Variants in GAK observed in about 807,000 individuals in gnomAD.
GAK encodes cyclin G associated kinase, also known as cyclin-G-associated kinase.
A neutral mutation model predicts 143.9 loss-of-function variants in GAK; 79 were observed. The observed-to-expected ratio is 0.55, with a 90% CI of 0.46 to 0.66. The LOEUF is 0.66. GAK is among the 30% of genes least tolerant of loss of function. The pLI is 0.00. For synonymous variants in GAK, 881 were observed against 765.5 expected (o/e 1.15, Z -2.49); for missense variants, 1,693 against 1,779.7 (o/e 0.95, Z 0.88).
Position 890,946 on chromosome 4 carries a change from AT to A in GAK, c.991-325del, listed in dbSNP as rs35262185. The stretch of plus-strand genomic sequence containing the variant: ...TCTCTTCCCAGTCTGTCCAACCAAC[AT>A]TTTTTTTTTTTTTTTTGGTAGAGAC... On this transcript the variant is annotated intron_variant, in intron 9 of 27. Transcript: ENST00000314167. Among the ~76,000 whole-genome samples, 689 of 131,890 alleles carry A rather than the reference AT, an allele frequency of 5.2e-3. 1 individual carries two copies. The highest frequency in any genetic ancestry group is 9.1e-3 in the African/African-American group (329 of 35,988). The allele number at this position is 131,890 out of a possible 152,430, so 86.5% of individuals were successfully genotyped here. A position where few individuals can be genotyped will look rare whatever the true frequency, so the allele number is the denominator to read the frequency against.
chr4:858,350 G>A (rs893438120), intron 24 of GAK, among the ~76,000 whole-genome samples: 4 of 152,126 alleles, frequency 2.6e-5, no homozygotes, highest in Non-Finnish European at 5.9e-5. Context: ...GATGGTTTCA[G>A]GCCGCCCACC....
chr4:862,689 G>A (rs549132949), intron 23 of GAK, among the ~76,000 whole-genome samples: 43 of 151,844 alleles, frequency 2.8e-4, no homozygotes, highest in Non-Finnish European at 2.2e-4. Context: ...AAATTGACTC[G>A]GCTTGTGCCA....
chr4:892,212 T>C (rs1717810392), intron 9 of GAK, among the ~76,000 whole-genome samples: 1 of 152,066 alleles, frequency 6.6e-6, no homozygotes, highest in Non-Finnish European at 1.5e-5. Context: ...TCCACTGCAG[T>C]GGCCCCTGGA....
At chr4:859,525 G>C in intron 24 of GAK, 81 bp downstream of exon 24, 1 of 1,595,900 alleles carries the variant, frequency 6.3e-7, no homozygotes, top group Non-Finnish European at 8.6e-7. Flanking sequence ...CTTCACTTTG[G>C]GCAGCTCAGA....
intron 8 of GAK, 73 bp from the exon 9 acceptor site, chr4:893,562 T>C: frequency 8.9e-7 from 1 of 1,118,422 alleles, no homozygotes; most frequent in Non-Finnish European, 1.2e-6. Context: ...CTGGCAGAGG[T>C]CACAGACCAC....
chr4:903,359 G>T (rs1023175165), intron 5 of GAK, among the ~76,000 whole-genome samples: 1 of 152,208 alleles, frequency 6.6e-6, no homozygotes, highest in Non-Finnish European at 1.5e-5. Context: ...GAGGTGCAGT[G>T]GGGGGACAGT....
intron 15 of GAK, among the ~76,000 whole-genome samples, chr4:878,662 T>A (rs1577130749): frequency 6.6e-6 from 1 of 152,190 alleles, no homozygotes; most frequent in East Asian, 1.9e-4. Context: ...ACAAATGAGT[T>A]GTCTGGTTCT....
chr4:859,376 G>A (rs772992046), intron 24 of GAK: 6 of 1,480,458 alleles, frequency 4.1e-6, no homozygotes, highest in South Asian at 1.2e-5. Flanking sequence ...ATGCCGGTGG[G>A]GGCTGGCAGC....
intron 25 of GAK, chr4:851,514 AAGGCCATTTGTTAAAAAC>A: frequency 1.7e-6 from 1 of 589,922 alleles, no homozygotes; most frequent in South Asian, 2.1e-5. Flanking sequence ...CAGGGTTGCA[AAGGCCATTTGTTAAAAAC>A]AGGTCAAGAA....
rs1491031865 is a variant in GAK, at chr4:851,620, T to TC, written c.3508+129dup. 5.6e-5 allele frequency: 53 copies of TC among 942,258 alleles called. No individual in the cohort carries two copies. The Middle Eastern group carries it at 6.4e-4, about 11-fold the overall frequency. 58.4% of individuals were successfully genotyped at this position (942,258 alleles called of 1,614,324 possible). ...GAACACACATCGGAAACCGCGTCGT[T>TC]CTCTGAGTGGCTTGGCCGTGCCTGT... On this transcript the variant is annotated intron_variant, in intron 25 of 27. Transcript: ENST00000314167.
In GAK at chr4:932,245, C is replaced by T; in HGVS notation, c.-58G>A. 6.8e-7 allele frequency: 1 copy of T among 1,466,072 alleles called. No homozygotes were observed. Among genetic ancestry groups the T allele is most frequent in the Non-Finnish European group, 9.0e-7 (1 of 1,114,856 alleles). 90.8% of individuals were successfully genotyped at this position (1,466,072 alleles called of 1,614,324 possible). ...GAGTGGTCGGGCTCGGGCTCCCGCT[C>T]CCTCGCCGTCCGGGTCAGCTCAGCA... On this transcript the variant is annotated 5_prime_UTR_variant, in exon 1 of 28. Coordinates refer to ENST00000314167, the MANE Select transcript of GAK (RefSeq NM_005255.4). This position sits in a 1 kb window ranked among gnomAD's most constrained non-coding sequence, Gnocchi z 4.0.
chr4:931,175 C>T (rs772491066), intron 1 of GAK, among the ~76,000 whole-genome samples: 2 of 152,214 alleles, frequency 1.3e-5, no homozygotes, highest in Non-Finnish European at 2.9e-5. Flanking sequence ...TCCGTGTGAA[C>T]GGAGAGGACA....
chr4:905,576 C>T (rs990810295), intron 4 of GAK, among the ~76,000 whole-genome samples: 3 of 151,190 alleles, frequency 2.0e-5, no homozygotes, highest in Admixed American at 6.6e-5. Context: ...CTACGGACTT[C>T]GCCACGCCCC....
In GAK at chr4:883,350, G is replaced by A; in HGVS notation, c.1369C>T (p.Pro457Ser). 1 of 1,613,642 alleles carries A rather than the reference G, an allele frequency of 6.2e-7. No homozygotes were observed. Among genetic ancestry groups the A allele is most frequent in the Non-Finnish European group, 8.5e-7 (1 of 1,180,010 alleles). ...PGHYAVYNLS[P>S]RTYRPSRFHN... is the part of the protein sequence containing the mutation. ...AACCTGGAGGGCCGGTAGGTCCTCGGGGACAGGTTGTAGACGGCATAGTGC... is the reference window on the plus strand; with the variant it reads ...AACCTGGAGGGCCGGTAGGTCCTCGAGGACAGGTTGTAGACGGCATAGTGC... Residue 457 changes from proline (P) to serine (S), a missense_variant, in exon 13 of 28, where the codon CCG becomes TCG. By Grantham distance (74) the Pro-to-Ser change is moderately conservative. Transcript: ENST00000314167.
At chr4:885,544 G>A (rs945897041) in intron 11 of GAK, among the ~76,000 whole-genome samples, 1 of 152,228 alleles carries the variant, frequency 6.6e-6, no homozygotes, top group Admixed American at 6.5e-5. Context: ...GGACCTGGCT[G>A]TGTAGGCCTC....
chr4:910,770 T>A (rs1257444029), intron 4 of GAK, among the ~76,000 whole-genome samples: 1 of 140,040 alleles, frequency 7.1e-6, no homozygotes, highest in African/African-American at 2.6e-5. Flanking sequence ...GACGCAGGGG[T>A]CACTAGTGTC....
chr4:921,529 C>G (rs1255860232), intron 1 of GAK, among the ~76,000 whole-genome samples: 1 of 152,168 alleles, frequency 6.6e-6, no homozygotes, highest in African/African-American at 2.4e-5. Context: ...AAATCTGCAA[C>G]TGTGAAGGTT....
chr4:876,501 C>A (rs781649213), intron 18 of GAK, 29 bp downstream of exon 18: 77 of 1,601,962 alleles, frequency 4.8e-5, no homozygotes, highest in Non-Finnish European at 6.1e-5. Flanking sequence ...CCTGTCCCTC[C>A]CCACCGAGCA....
At chr4:912,354 C>G (rs1722198385) in intron 3 of GAK, 8 of 366,588 alleles carry the variant, frequency 2.2e-5, no homozygotes, top group Non-Finnish European at 4.3e-5. Flanking sequence ...GGCTGAGAAG[C>G]CACATCGGGG....
Sources: gnomAD v4.1 joint callset for allele counts (sites outside exome capture counted in the v4.1 genomes callset) on GRCh38, gnomAD v4.1.1 for gene constraint, Gnocchi (gnomAD v3.1) non-coding constraint, MANE v1.5 for transcripts, NCBI Gene and HGNC (gene_info 2026-07-23, HGNC 2026-07-21) for gene names.